The following GNB1L variants were observed in gnomAD, a reference collection of about 807,000 sequenced individuals.
The protein encoded by GNB1L is G protein subunit beta 1 like, also known as guanine nucleotide-binding protein subunit beta-like protein 1.
GNB1L carries 20 observed loss-of-function variants against 29.1 expected under a neutral mutation model. The ratio of observed to expected loss-of-function variants is 0.69; its 90% CI spans 0.48 to 1.00. GNB1L has a LOEUF of 1.00. Among genes scored for constraint, GNB1L ranks in the 50% least tolerant of loss-of-function variants. The pLI is 0.00. For synonymous variants in GNB1L, 193 were observed against 206.5 expected (o/e 0.93, Z 0.56); for missense variants, 421 against 464.9 (o/e 0.91, Z 0.87).
At chr22:19,821,824 C>T (rs1296206764) in intron 2 of GNB1L, among the ~76,000 whole-genome samples, 3 of 152,226 alleles carry the variant, frequency 2.0e-5, no homozygotes, top group East Asian at 1.9e-4. Flanking sequence ...ATCCCAGGGG[C>T]CACACCAGTG....
chr22:19,850,486 A>G (rs1281650065), intron 2 of GNB1L: 1 of 1,024,338 alleles, frequency 9.8e-7, no homozygotes, highest in East Asian at 8.6e-5. Flanking sequence ...GTTAACACAC[A>G]AAGGGCGAAT....
chr22:19,798,877 A>G (rs939911752), intron 7 of GNB1L, among the ~76,000 whole-genome samples: 1 of 152,212 alleles, frequency 6.6e-6, no homozygotes, highest in African/African-American at 2.4e-5. Context: ...CTGGCCCTGC[A>G]GTGACAGCAG....
chr22:19,820,630 C>T lies in GNB1L; in HGVS notation c.222G>A (p.Leu74=), dbSNP rs758450071. ...GCTGGCGCCCCTGGGGCAGCGTCTG[C>T]AGCCAGGTCACACACTGGCCGCCGT... ...DGHGGQCVTW[L]QTLPQGRQLL... The change falls in exon 4 of 8, where the codon CTG becomes CTA. Residue 74 remains leucine (L), a synonymous_variant. Transcript: ENST00000329517. 8.1e-6 allele frequency: 13 copies of T among 1,612,854 alleles called. No individual in the cohort carries two copies. In the African/African-American group the frequency reaches 1.6e-4, roughly 20 times the overall value.
rs548516690 is a variant in GNB1L, at chr22:19,798,153, G to GCCAGCACCTGCTGCGCGGGGCCGTCAAGT, written c.732+3819_732+3847dup. On this transcript the variant is annotated intron_variant, in intron 7 of 7. Transcript: ENST00000329517. Reference sequence around the variant, plus strand: ...GTGACCCGGCTGAGGGGCTGTCAAGGCCAGCACCTGCTGCGCGGGGCCGTC... The same window carrying GCCAGCACCTGCTGCGCGGGGCCGTCAAGT: ...GTGACCCGGCTGAGGGGCTGTCAAGGCCAGCACCTGCTGCGCGGGGCCGTCAAGTCCAGCACCTGCTGCGCGGGGCCGTC... Among the ~76,000 whole-genome samples the GCCAGCACCTGCTGCGCGGGGCCGTCAAGT allele has an allele frequency of 4.8e-3, 723 of 152,168 alleles. 7 individuals carry two copies. Among genetic ancestry groups the GCCAGCACCTGCTGCGCGGGGCCGTCAAGT allele is most frequent in the Non-Finnish European group, 7.9e-3 (538 of 67,950 alleles).
intron 5 of GNB1L, among the ~76,000 whole-genome samples, chr22:19,811,337 C>T (rs941147362): frequency 1.1e-4 from 16 of 152,164 alleles, no homozygotes; most frequent in African/African-American, 3.1e-4. Context: ...GGGGAGGACT[C>T]GGCAGTGGGC....
intron 7 of GNB1L, among the ~76,000 whole-genome samples, chr22:19,797,346 G>T (rs184433288): frequency 5.3e-5 from 8 of 152,220 alleles, no homozygotes; most frequent in South Asian, 2.1e-4. Flanking sequence ...CACACGGGAG[G>T]GGGGGTGGGG....
intron 3 of GNB1L, among the ~76,000 whole-genome samples, 170 bp downstream of exon 3, chr22:19,821,058 C>G (rs1228717132): frequency 1.3e-5 from 2 of 152,194 alleles, no homozygotes; most frequent in East Asian, 3.9e-4. Flanking sequence ...TCCCTGCCTC[C>G]CCCAAGGGAC....
chr22:19,787,911 A>G lies in GNB1L; in HGVS notation c.*798T>C. ...TGGGGGCCACCCTGTGTGCAGCCGCAGCTGTGACTGTGGCCTTGGCCACTG... is the reference window on the plus strand; with the variant it reads ...TGGGGGCCACCCTGTGTGCAGCCGCGGCTGTGACTGTGGCCTTGGCCACTG... On this transcript the variant is annotated 3_prime_UTR_variant, in exon 8 of 8. Transcript: ENST00000329517. The G allele has an allele frequency of 6.5e-6, 1 of 152,776 alleles. No individual in the cohort carries two copies. The highest frequency in any genetic ancestry group is 1.5e-5 in the Non-Finnish European group (1 of 68,364). 9.5% of individuals were successfully genotyped at this position (152,776 alleles called of 1,614,324 possible). A position where few individuals can be genotyped will look rare whatever the true frequency, so the allele number is the denominator to read the frequency against.
chr22:19,824,616 A>C (rs1332728932), intron 2 of GNB1L, among the ~76,000 whole-genome samples: 2 of 152,228 alleles, frequency 1.3e-5, no homozygotes, highest in African/African-American at 2.4e-5. Context: ...ATCTGCCTGC[A>C]ATGCACCACC....
intron 2 of GNB1L, among the ~76,000 whole-genome samples, chr22:19,832,213 C>T (rs1937691771): frequency 6.6e-6 from 1 of 152,114 alleles, no homozygotes; most frequent in Non-Finnish European, 1.5e-5. Flanking sequence ...GCTTGCAGGC[C>T]TAGTTACTTG....
chr22:19,805,831 T>C (rs961453543), intron 6 of GNB1L, among the ~76,000 whole-genome samples: 1 of 152,138 alleles, frequency 6.6e-6, no homozygotes, highest in Non-Finnish European at 1.5e-5. Flanking sequence ...CTGGCATGAC[T>C]TAGGGCCTGG....
rs1468350618 is a variant in GNB1L, at chr22:19,847,803, G to GAAAAAAAA, written c.-21+6639_-21+6640insTTTTTTTT. 151 of 440,240 alleles carry GAAAAAAAA rather than the reference G, an allele frequency of 3.4e-4. 6 individuals carry two copies. The African/African-American group carries it at 4.7e-3, about 14-fold the overall frequency. The allele number at this position is 440,240 out of a possible 1,614,324, so 27.3% of individuals were successfully genotyped here. A position where few individuals can be genotyped will look rare whatever the true frequency, so the allele number is the denominator to read the frequency against. The stretch of plus-strand genomic sequence containing the variant: ...AACTTTTAAAATCCTGGAATCATAG[G>GAAAAAAAA]CAAAAAAAAAAAAAAAAAAAAATTC... On this transcript the variant is annotated intron_variant, in intron 2 of 7. Transcript: ENST00000329517.
rs1263533498 is a variant in GNB1L, at chr22:19,848,790, C to G, written c.-21+5653G>C. On this transcript the variant is annotated intron_variant, in intron 2 of 7. Coordinates refer to ENST00000329517, the MANE Select transcript of GNB1L (RefSeq NM_053004.3). ...CAAAAGCCCCAAAGCCCCAATAGGA[C>G]AGGGTTCAAAAGAGAAGGCAGCAAT... 6.1e-6 allele frequency: 6 copies of G among 985,436 alleles called. No individual in the cohort carries two copies. The Admixed American group carries it at 1.8e-4, about 30-fold the overall frequency. 61.0% of individuals were successfully genotyped at this position (985,436 alleles called of 1,614,324 possible). A position where few individuals can be genotyped will look rare whatever the true frequency, so the allele number is the denominator to read the frequency against.
intron 2 of GNB1L, chr22:19,847,606 G>GC (rs1937990312): frequency 1.0e-6 from 1 of 979,206 alleles, no homozygotes; most frequent in African/African-American, 1.8e-5. Flanking sequence ...AAACCCCCAT[G>GC]TAGTGGTACC....
intron 2 of GNB1L, among the ~76,000 whole-genome samples, chr22:19,844,679 C>T (rs970064638): frequency 5.3e-5 from 8 of 152,170 alleles, no homozygotes; most frequent in African/African-American, 1.2e-4. Context: ...GGATGTCCGT[C>T]GCCCCAGGAG....
intron 2 of GNB1L, among the ~76,000 whole-genome samples, chr22:19,832,998 C>T (rs1224911207): frequency 6.6e-6 from 1 of 152,216 alleles, no homozygotes; most frequent in Non-Finnish European, 1.5e-5. Context: ...CCACAGCCCA[C>T]GGAGGGCGAG....
At chr22:19,833,731 T>C (rs1204519456) in intron 2 of GNB1L, among the ~76,000 whole-genome samples, 1 of 151,954 alleles carries the variant, frequency 6.6e-6, no homozygotes, top group African/African-American at 2.4e-5. Flanking sequence ...CCAGGCATGG[T>C]GGCGGGCGCC....
intron 2 of GNB1L, among the ~76,000 whole-genome samples, chr22:19,834,622 A>G (rs1186525191): frequency 3.3e-5 from 5 of 151,906 alleles, no homozygotes; most frequent in Non-Finnish European, 5.9e-5. Context: ...GAAAAATATT[A>G]ACTCTAAGAA....
At chr22:19,793,647 T>C (rs1056746298) in intron 7 of GNB1L, among the ~76,000 whole-genome samples, 5 of 151,418 alleles carry the variant, frequency 3.3e-5, no homozygotes, top group Non-Finnish European at 7.4e-5. Context: ...AAACCACAGA[T>C]AAAAAAAAAT....
Sources: gnomAD v4.1 joint callset for allele counts (sites outside exome capture counted in the v4.1 genomes callset) on GRCh38, gnomAD v4.1.1 for gene constraint, MANE v1.5 for transcripts, NCBI Gene and HGNC (gene_info 2026-07-23, HGNC 2026-07-21) for gene names.